The following ABCC8 variants were observed in gnomAD, a reference collection of about 807,000 sequenced individuals.
ABCC8 encodes ATP-binding cassette sub-family C member 8.
Under a neutral mutation model 188.0 loss-of-function variants are expected in ABCC8, and 137 were observed. That is an observed-to-expected ratio of 0.73 (90% CI 0.63 to 0.84). The LOEUF (loss-of-function observed/expected upper bound fraction) is 0.84, where lower values mean the gene tolerates loss of function less well. Ranked by LOEUF, ABCC8 falls within the 40% of genes least tolerant of loss-of-function variation. The pLI, the probability that ABCC8 is intolerant of heterozygous loss-of-function variation, is 0.00. For missense variants in ABCC8, 1,750 were observed against 2,072.7 expected, an observed-to-expected ratio of 0.84 and a Z score of 3.02; for synonymous variants, 797 against 846.5, an observed-to-expected ratio of 0.94 and a Z score of 1.01.
chr11:17,426,905 G>A, intron 16 of ABCC8, 144 bp downstream of exon 16: 1 of 901,206 alleles, frequency 1.1e-6, no homozygotes, highest in African/African-American at 1.7e-5. Flanking sequence ...TAGTGATGAT[G>A]ATGAGAATAT....
At chr11:17,412,041 C>T (rs1018454832) in intron 21 of ABCC8, among the ~76,000 whole-genome samples, 25 of 151,938 alleles carry the variant, frequency 1.6e-4, no homozygotes, top group African/African-American at 5.1e-4. Flanking sequence ...TACAGGCGCC[C>T]GCCACCGCAC....
rs182340196 is a variant in ABCC8 at position 17,405,481 on chromosome 11, C to G, written c.3399+13G>C. 1.7e-5 allele frequency: 27 copies of G among 1,614,154 alleles called. No homozygotes were observed. Among genetic ancestry groups the G allele is most frequent in the Non-Finnish European group, 2.0e-5 (24 of 1,180,030 alleles). Reference sequence around the variant, plus strand: ...CTCTGGAAGGGGGGATAGTGTGGCACGGTCCTCTGTACCTGGTCGATGGTG... The same window carrying G: ...CTCTGGAAGGGGGGATAGTGTGGCAGGGTCCTCTGTACCTGGTCGATGGTG... On this transcript the variant is annotated intron_variant, in intron 27 of 38. Transcript: ENST00000389817.
At chr11:17,413,370 A>T (rs766415263) in intron 20 of ABCC8, 24 bp downstream of exon 20, 1 of 1,613,790 alleles carries the variant, frequency 6.2e-7, no homozygotes, top group Non-Finnish European at 8.5e-7. Context: ...GCTTTGAAAA[A>T]ACCCCTCAGA....
chr11:17,428,421 AG>A lies in ABCC8; in HGVS notation c.1924-17del, dbSNP rs753537691. ...CCCTGAGGGGCTGGGGGTGGTTTGGAGGTGAGGACCCACTGGGCTGGGAGCT... is the reference window on the plus strand; with the variant it reads ...CCCTGAGGGGCTGGGGGTGGTTTGGAGTGAGGACCCACTGGGCTGGGAGCT... On this transcript the variant is annotated splice_polypyrimidine_tract_variant and intron_variant, in intron 13 of 38. Transcript: ENST00000389817. The A allele has an allele frequency of 6.2e-6, 10 of 1,610,116 alleles. No individual in the cohort carries two copies. Among genetic ancestry groups the A allele is most frequent in the Non-Finnish European group, 8.5e-6 (10 of 1,177,088 alleles).
intron 16 of ABCC8, among the ~76,000 whole-genome samples, chr11:17,424,008 A>G (rs1564917941): frequency 6.6e-6 from 1 of 152,202 alleles, no homozygotes; most frequent in African/African-American, 2.4e-5. Context: ...GTGCAGACTG[A>G]CTGAGATGAT....
intron 12 of ABCC8, 25 bp from the exon 13 acceptor site, chr11:17,428,695 C>T (rs1217315794): frequency 6.2e-7 from 1 of 1,609,676 alleles, no homozygotes; most frequent in Non-Finnish European, 8.5e-7. Context: ...CAGAGACACC[C>T]CTCACCCCTG....
rs539366100 is a variant in ABCC8 at position 17,470,253 on chromosome 11, G to C, written c.291-31C>G. ...ATGGGAGAGAGAAACAGACAGGATG[G>C]GGACATGCTAAGTACTGCAATAGAG... is the stretch of plus-strand genomic sequence containing the variant. On this transcript the variant is annotated intron_variant, in intron 2 of 38. Coordinates refer to ENST00000389817, the MANE Select transcript of ABCC8 (RefSeq NM_000352.6). 3.1e-6 allele frequency: 5 copies of C among 1,613,592 alleles called. No homozygotes were observed. The East Asian group carries it at 1.1e-4, about 36-fold the overall frequency.
intron 29 of ABCC8, among the ~76,000 whole-genome samples, chr11:17,400,879 G>A (rs1264779087): frequency 6.6e-6 from 1 of 152,268 alleles, no homozygotes; most frequent in Non-Finnish European, 1.5e-5. Context: ...CATACAGTAA[G>A]TGGGCAATCA....
At chr11:17,472,812 C>G (rs909313939) in intron 2 of ABCC8, among the ~76,000 whole-genome samples, 5 of 152,156 alleles carry the variant, frequency 3.3e-5, no homozygotes, top group African/African-American at 9.7e-5. Context: ...ACAGTCTACC[C>G]AGTGCTCTGC....
chr11:17,465,067 C>T (rs1848066352), intron 3 of ABCC8, among the ~76,000 whole-genome samples: 2 of 152,222 alleles, frequency 1.3e-5, no homozygotes, highest in Non-Finnish European at 2.9e-5. Context: ...TCGATGCCAT[C>T]CACCTTGGGT....
intron 3 of ABCC8, among the ~76,000 whole-genome samples, chr11:17,468,564 G>A (rs1334868891): frequency 6.6e-6 from 1 of 152,164 alleles, no homozygotes; most frequent in Non-Finnish European, 1.5e-5. Flanking sequence ...ACTAGTGCCA[G>A]TTATTTAACC....
rs982648882 is a variant in ABCC8, at chr11:17,408,478, T to C, written c.2734A>G (p.Thr912Ala). 6.2e-7 allele frequency: 1 copy of C among 1,613,570 alleles called. No homozygotes were observed. The highest frequency in any genetic ancestry group is 1.7e-5 in the Admixed American group (1 of 59,996). ...MKDGTIQREG[T>A]LKDFQRSECQ... is the part of the protein sequence containing the mutation. ...TCAGACCTCTGGAAGTCCTTGAGGGTACCCTCCCTCTGGATGGTGCCATCC... is the reference window on the plus strand; with the variant it reads ...TCAGACCTCTGGAAGTCCTTGAGGGCACCCTCCCTCTGGATGGTGCCATCC... Residue 912 changes from threonine to alanine, a missense_variant, in exon 23 of 39, where the codon ACC becomes GCC. By Grantham distance (58) the Thr-to-Ala change is moderately conservative. Transcript: ENST00000389817.
intron 12 of ABCC8, chr11:17,430,467 C>T: frequency 2.7e-6 from 1 of 376,266 alleles, no homozygotes; most frequent in Non-Finnish European, 5.1e-6. Context: ...ACGGGATGGC[C>T]TCATTCTTGG....
chr11:17,430,274 C>G (rs1955784227), intron 12 of ABCC8: 1 of 189,336 alleles, frequency 5.3e-6, no homozygotes, highest in Admixed American at 5.3e-5. Context: ...GGCTCTAGAG[C>G]CTGGAAGTGG....
chr11:17,435,848 G>A, intron 10 of ABCC8: 2 of 1,242,386 alleles, frequency 1.6e-6, no homozygotes, highest in Non-Finnish European at 2.4e-6. Context: ...GTGTGGATCA[G>A]TGCTGGCCCC....
chr11:17,436,707 G>T (rs1017495217), intron 10 of ABCC8, among the ~76,000 whole-genome samples: 2 of 152,204 alleles, frequency 1.3e-5, no homozygotes, highest in Middle Eastern at 3.2e-3. Flanking sequence ...GGCCTGAAAG[G>T]CTGCCATCAA....
chr11:17,420,281 G>A (rs4757517), intron 16 of ABCC8, among the ~76,000 whole-genome samples: 60,334 of 152,028 alleles, frequency 0.4, 13,861 homozygotes, highest in African/African-American at 0.64. Context: ...CTCTGAGACA[G>A]GAAAGGTAGG....
At chr11:17,473,274 G>T (rs1328825188) in intron 2 of ABCC8, among the ~76,000 whole-genome samples, 1 of 152,032 alleles carries the variant, frequency 6.6e-6, no homozygotes, top group Non-Finnish European at 1.5e-5. Flanking sequence ...GTGTAGGGGT[G>T]GGGGTGGAGG....
At chr11:17,407,513 G>A (rs559506681) in intron 23 of ABCC8, 60 bp from the exon 24 acceptor site, 22 of 1,611,428 alleles carry the variant, frequency 1.4e-5, no homozygotes, top group Non-Finnish European at 1.7e-5. Context: ...GGGGGAAGGG[G>A]AAGTTAAGGG....
Sources: allele counts gnomAD v4.1 joint callset (sites outside exome capture counted in the v4.1 genomes callset), GRCh38; gene constraint gnomAD v4.1.1; transcripts MANE v1.5; gene names NCBI Gene and HGNC (gene_info 2026-07-23, HGNC 2026-07-21).